The following CACNA1C variants were observed in gnomAD, a reference collection of about 807,000 sequenced individuals.
CACNA1C encodes voltage-dependent L-type calcium channel subunit alpha-1C.
A neutral mutation model predicts 229.0 loss-of-function variants in CACNA1C; 30 were observed. The observed-to-expected ratio is 0.13, with a 90% confidence interval of 0.10 to 0.18. The LOEUF (loss-of-function observed/expected upper bound fraction) is 0.18, where lower values mean the gene tolerates loss of function less well. Ranked by LOEUF, CACNA1C falls within the 10% of genes least tolerant of loss-of-function variation. CACNA1C has a pLI of 1.00. For synonymous variants in CACNA1C, 1,114 were observed against 1,132.5 expected (o/e 0.98, Z 0.33); for missense variants, 1,658 against 2,845.0 (o/e 0.58, Z 9.49).
In CACNA1C at chr12:2,137,063, G is replaced by A. The variant is rs866820137; in HGVS notation, c.477+16633G>A. The stretch of plus-strand genomic sequence containing the variant: ...AGCATAACATGTGGGGGACCCCACG[G>A]CGCCCCGCCCAGGTGAGAGCAGTCC... On this transcript the variant is annotated intron_variant, in intron 3 of 46. Transcript: ENST00000399655. 2.0e-5 allele frequency among the ~76,000 whole-genome samples: 3 copies of A among 151,508 alleles called. No homozygotes were observed. In the South Asian group the frequency reaches 6.3e-4, roughly 32 times the overall value.
At chr12:2,150,905 A>G (rs938840257) in intron 3 of CACNA1C, among the ~76,000 whole-genome samples, 1 of 152,194 alleles carries the variant, frequency 6.6e-6, no homozygotes, top group African/African-American at 2.4e-5. Context: ...GGTGACATGT[A>G]AAAATGGTGG....
chr12:2,316,161 T>C (rs1394329646), intron 3 of CACNA1C, among the ~76,000 whole-genome samples: 1 of 152,222 alleles, frequency 6.6e-6, no homozygotes, highest in Non-Finnish European at 1.5e-5. Context: ...TTTCTACCAA[T>C]GTGGGGCAGG....
chr12:2,279,962 T>C (rs2090484599), intron 3 of CACNA1C, among the ~76,000 whole-genome samples: 1 of 152,254 alleles, frequency 6.6e-6, no homozygotes, highest in African/African-American at 2.4e-5. Context: ...CTACAGTTAC[T>C]GAGGGACAGC....
chr12:2,085,841 C>T (rs746631341), intron 1 of CACNA1C, among the ~76,000 whole-genome samples: 14 of 152,284 alleles, frequency 9.2e-5, no homozygotes, highest in Non-Finnish European at 1.6e-4. Context: ...TTACTGTTCT[C>T]AGCTTTTACT....
At chr12:2,179,800 T>C (rs1214842304) in intron 3 of CACNA1C, among the ~76,000 whole-genome samples, 3 of 152,186 alleles carry the variant, frequency 2.0e-5, no homozygotes, top group Non-Finnish European at 4.4e-5. Flanking sequence ...TCCACGCTCA[T>C]TGGATGCTAG....
At chr12:2,341,402 AT>A (rs1174073254) in intron 3 of CACNA1C, among the ~76,000 whole-genome samples, 1 of 152,184 alleles carries the variant, frequency 6.6e-6, no homozygotes, top group Admixed American at 6.5e-5. Flanking sequence ...ATGAGATCCA[AT>A]TTCCTGAGGA....
At chr12:2,031,481 C>T (rs75434079) in intron 1 of CACNA1C, among the ~76,000 whole-genome samples, 6,715 of 152,276 alleles carry the variant, frequency 0.044, 158 homozygotes, top group Admixed American at 0.05. Context: ...TCCTCTGCTG[C>T]ATTCCTTGTC....
chr12:2,536,316 G>A (rs535936522), intron 9 of CACNA1C, among the ~76,000 whole-genome samples: 6 of 152,334 alleles, frequency 3.9e-5, no homozygotes, highest in Non-Finnish European at 7.3e-5. Context: ...GTAAAACTCT[G>A]ACTTCCGTAC....
chr12:2,581,482 T>TAG, intron 13 of CACNA1C, 108 bp from the exon 14 acceptor site: 1 of 1,013,714 alleles, frequency 9.9e-7, no homozygotes, highest in Non-Finnish European at 1.4e-6. Flanking sequence ...AAAAAGAGCA[T>TAG]AGAGTGGCAG....
At chr12:2,481,672 T>C (rs1416248910) in intron 5 of CACNA1C, among the ~76,000 whole-genome samples, 1 of 152,252 alleles carries the variant, frequency 6.6e-6, no homozygotes, top group Non-Finnish European at 1.5e-5. Context: ...TATGTGCTGT[T>C]TGATCTTTGC....
chr12:2,682,294 G>A (rs2097187611), intron 42 of CACNA1C, among the ~76,000 whole-genome samples: 1 of 152,148 alleles, frequency 6.6e-6, no homozygotes, highest in African/African-American at 2.4e-5. Flanking sequence ...GTGGATTGGG[G>A]TCAGGACTCC....
intron 1 of CACNA1C, chr12:2,010,845 A>T (rs1593626141): frequency 6.6e-6 from 1 of 152,150 alleles, no homozygotes; most frequent in Non-Finnish European, 1.5e-5. Flanking sequence ...GGAGAAAAAG[A>T]TGTTAAGAAA....
At chr12:2,288,684 A>T (rs2093064130) in intron 3 of CACNA1C, 1 of 152,114 alleles carries the variant, frequency 6.6e-6, no homozygotes, top group Admixed American at 6.5e-5. Context: ...CCACCGCCCC[A>T]TGCTTGTATC....
intron 1 of CACNA1C, among the ~76,000 whole-genome samples, chr12:2,027,628 G>T (rs1000888543): frequency 6.6e-6 from 1 of 152,170 alleles, no homozygotes; most frequent in Admixed American, 6.5e-5. Flanking sequence ...GAATGGAATT[G>T]ACTTGAGCGT....
intron 3 of CACNA1C, among the ~76,000 whole-genome samples, chr12:2,392,771 C>T (rs1432405091): frequency 6.6e-6 from 1 of 152,156 alleles, no homozygotes; most frequent in East Asian, 1.9e-4. Flanking sequence ...TTCCTGTGGC[C>T]TTTACCTGGG....
intron 3 of CACNA1C, among the ~76,000 whole-genome samples, chr12:2,436,545 C>T (rs1219533187): frequency 1.3e-5 from 2 of 152,142 alleles, no homozygotes; most frequent in Non-Finnish European, 2.9e-5. Flanking sequence ...AGTCTGAGAC[C>T]ATAATTTGAA....
At chr12:2,687,461 TG>T (rs1332929518) in intron 45 of CACNA1C, among the ~76,000 whole-genome samples, 1 of 151,880 alleles carries the variant, frequency 6.6e-6, no homozygotes, top group Non-Finnish European at 1.5e-5. Flanking sequence ...CAGGTTGTCA[TG>T]GCAACAGCCA....
chr12:2,427,502 G>C (rs2099043683), intron 3 of CACNA1C, among the ~76,000 whole-genome samples: 1 of 141,242 alleles, frequency 7.1e-6, no homozygotes, highest in South Asian at 2.4e-4. Flanking sequence ...AGAATTCCCA[G>C]AAGGAAGAAA....
At chr12:2,114,071 C>T (rs1193118819) in intron 1 of CACNA1C, among the ~76,000 whole-genome samples, 4 of 152,234 alleles carry the variant, frequency 2.6e-5, no homozygotes, top group African/African-American at 9.6e-5. Context: ...TGGCTCACAA[C>T]AGCAGACACC....
Sources: allele counts gnomAD v4.1 joint callset (sites outside exome capture counted in the v4.1 genomes callset), GRCh38; gene constraint gnomAD v4.1.1; transcripts MANE v1.5; gene names NCBI Gene and HGNC (gene_info 2026-07-23, HGNC 2026-07-21).